The following COL4A1 variants were observed in gnomAD, a reference collection of about 807,000 sequenced individuals.
The protein encoded by COL4A1 is collagen alpha-1(IV) chain.
A neutral mutation model predicts 216.6 loss-of-function variants in COL4A1; 40 were observed. The observed-to-expected ratio is 0.18, with a 90% CI of 0.14 to 0.24. COL4A1 has a LOEUF of 0.24. COL4A1 is among the 10% of genes least tolerant of loss of function. The pLI is 1.00. For missense variants in COL4A1, 1,628 were observed against 2,196.8 expected (o/e 0.74, Z 5.18); for synonymous variants, 839 against 810.7 (o/e 1.03, Z -0.59).
At chr13:110,293,414 G>A (rs987578263) in intron 1 of COL4A1, among the ~76,000 whole-genome samples, 5 of 152,188 alleles carry the variant, frequency 3.3e-5, no homozygotes, top group African/African-American at 4.8e-5. Context: ...GCCAACTATA[G>A]CTTTCAAGTT....
rs1363620479 is a variant in COL4A1 at position 110,252,519 on chromosome 13, CGT to C, written c.85-9787_85-9786del. On this transcript the variant is annotated intron_variant, in intron 1 of 51. Coordinates refer to ENST00000375820, the MANE Select transcript of COL4A1 (RefSeq NM_001845.6). ...TATACGTATATATGTATTATATATA[CGT>C]ATAATTATACGTATATATGTATTAT... Among the ~76,000 whole-genome samples, 4 of 8,218 alleles carry C rather than the reference CGT, an allele frequency of 4.9e-4. 2 individuals carry two copies. Among genetic ancestry groups the C allele is most frequent in the African/African-American group, 7.5e-4 (4 of 5,328 alleles). 5.4% of individuals were successfully genotyped at this position (8,218 alleles called of 152,430 possible).
At chr13:110,286,174 C>T (rs951953796) in intron 1 of COL4A1, among the ~76,000 whole-genome samples, 2 of 152,194 alleles carry the variant, frequency 1.3e-5, no homozygotes, top group African/African-American at 2.4e-5. Context: ...CGACCAAGGA[C>T]AGCATTGGCT....
At chr13:110,224,808 C>T (rs1880662071) in intron 2 of COL4A1, among the ~76,000 whole-genome samples, 2 of 152,076 alleles carry the variant, frequency 1.3e-5, no homozygotes, top group East Asian at 1.9e-4. Flanking sequence ...TGTGGGGCAG[C>T]GTTGTGGAAC....
At chr13:110,301,713 G>A (rs1468943121) in intron 1 of COL4A1, among the ~76,000 whole-genome samples, 1 of 152,224 alleles carries the variant, frequency 6.6e-6, no homozygotes. Flanking sequence ...GGGAAGACGA[G>A]AGGACACTGC....
chr13:110,218,394 G>C (rs1880200257), intron 2 of COL4A1, among the ~76,000 whole-genome samples: 1 of 152,176 alleles, frequency 6.6e-6, no homozygotes, highest in Non-Finnish European at 1.5e-5. Context: ...GTTTGGTACT[G>C]AGCACTGAGT....
chr13:110,161,174 T>C lies in COL4A1; in HGVS notation c.4640+18A>G, dbSNP rs1463605935. The C allele has an allele frequency of 1.2e-6, 2 of 1,613,276 alleles. No homozygotes were observed. Among genetic ancestry groups the C allele is most frequent in the South Asian group, 2.2e-5 (2 of 91,048 alleles). The stretch of plus-strand genomic sequence containing the variant: ...TCCTCTTCAATTTTGCATTTGTTCC[T>C]ACAGATGCTCGACTCACCTACTAAT... On this transcript the variant is annotated intron_variant, in intron 49 of 51. Transcript: ENST00000375820.
At chr13:110,258,582 A>C (rs1882679644) in intron 1 of COL4A1, among the ~76,000 whole-genome samples, 1 of 152,218 alleles carries the variant, frequency 6.6e-6, no homozygotes, top group Non-Finnish European at 1.5e-5. Flanking sequence ...AAATATTTTG[A>C]ATTTGAAAAT....
chr13:110,155,538 C>T (rs528726508), intron 49 of COL4A1, 141 bp from the exon 50 acceptor site: 20 of 713,710 alleles, frequency 2.8e-5, no homozygotes, highest in Non-Finnish European at 4.3e-5. Context: ...ACATTGTGCC[C>T]ATTGCTTAGA....
chr13:110,236,738 C>T (rs1881333965), intron 2 of COL4A1, among the ~76,000 whole-genome samples: 1 of 152,230 alleles, frequency 6.6e-6, no homozygotes, highest in South Asian at 2.1e-4. Flanking sequence ...ACCCAGTGCT[C>T]ACGCTGGGGG....
At chr13:110,279,545 TG>T (rs1321601007) in intron 1 of COL4A1, among the ~76,000 whole-genome samples, 1 of 152,168 alleles carries the variant, frequency 6.6e-6, no homozygotes, top group East Asian at 1.9e-4. Flanking sequence ...TCTATTCTTT[TG>T]GGGGGCTGGA....
chr13:110,237,646 G>T (rs61963294), intron 2 of COL4A1, among the ~76,000 whole-genome samples: 2 of 152,164 alleles, frequency 1.3e-5, no homozygotes, highest in African/African-American at 4.8e-5. Context: ...TCGGCCCCAG[G>T]CCTGGCCCAA....
intron 1 of COL4A1, among the ~76,000 whole-genome samples, chr13:110,279,083 C>G (rs1883529403): frequency 6.6e-6 from 1 of 152,100 alleles, no homozygotes; most frequent in African/African-American, 2.4e-5. Flanking sequence ...TTCGAGTCGG[C>G]CACAGGTGCT....
At chr13:110,152,192 C>G in intron 51 of COL4A1, 142 bp downstream of exon 51, 1 of 1,330,448 alleles carries the variant, frequency 7.5e-7, no homozygotes, top group Non-Finnish European at 1.0e-6. Flanking sequence ...TCTCGGTCAT[C>G]TGCCCATGTC....
chr13:110,198,698 T>C lies in COL4A1; in HGVS notation c.1121-67A>G. 2.5e-6 allele frequency: 4 copies of C among 1,592,572 alleles called. No individual in the cohort carries two copies. In the South Asian group the frequency reaches 4.4e-5, roughly 18 times the overall value. On this transcript the variant is annotated intron_variant, in intron 20 of 51. Transcript: ENST00000375820. ...CTTAGCAACTACAGCATAAACTCATTCTCCTAACTCTGTTCAAGGTAAAAA... is the reference window on the plus strand; with the variant it reads ...CTTAGCAACTACAGCATAAACTCATCCTCCTAACTCTGTTCAAGGTAAAAA...
chr13:110,218,141 A>G (rs1045192120), intron 2 of COL4A1, among the ~76,000 whole-genome samples: 1 of 152,252 alleles, frequency 6.6e-6, no homozygotes, highest in East Asian at 1.9e-4. Context: ...AAATATAATT[A>G]CCAACAACAA....
At chr13:110,241,938 C>T (rs756340567) in intron 2 of COL4A1, among the ~76,000 whole-genome samples, 3 of 152,300 alleles carry the variant, frequency 2.0e-5, no homozygotes, top group Admixed American at 6.5e-5. Flanking sequence ...ACCTGCTGTG[C>T]GCACCTGCAC....
At chr13:110,171,486 G>A (rs2139157092) in intron 41 of COL4A1, among the ~76,000 whole-genome samples, 1 of 152,106 alleles carries the variant, frequency 6.6e-6, no homozygotes, top group East Asian at 1.9e-4. Flanking sequence ...CAATAGAGCA[G>A]GTTTAAAAAA....
intron 1 of COL4A1, among the ~76,000 whole-genome samples, chr13:110,270,879 T>C (rs1431790727): frequency 1.3e-5 from 2 of 152,028 alleles, no homozygotes; most frequent in East Asian, 3.9e-4. Context: ...GGTCCAGAAG[T>C]CTTAAGAGAA....
At chr13:110,265,844 C>T (rs1228215979) in intron 1 of COL4A1, 1 of 152,204 alleles carries the variant, frequency 6.6e-6, no homozygotes, top group Admixed American at 6.5e-5. Context: ...CAGGGCCATT[C>T]TTTATCCCCA....
Sources: allele counts gnomAD v4.1 joint callset (sites outside exome capture counted in the v4.1 genomes callset), GRCh38; gene constraint gnomAD v4.1.1; transcripts MANE v1.5; gene names NCBI Gene and HGNC (gene_info 2026-07-23, HGNC 2026-07-21).